SCAF4: variants seen among roughly 807,000 people sequenced by gnomAD.
SCAF4 encodes SR-related and CTD-associated factor 4.
A neutral mutation model predicts 129.8 loss-of-function variants in SCAF4; 25 were observed. The ratio of observed to expected loss-of-function variants is 0.19; its 90% CI spans 0.14 to 0.27. The LOEUF is 0.27. Among genes scored for constraint, SCAF4 ranks in the 10% least tolerant of loss-of-function variants. The pLI, the probability that SCAF4 is intolerant of heterozygous loss-of-function variation, is 1.00. For synonymous variants in SCAF4, 551 were observed against 497.7 expected (o/e 1.11, Z -1.43); for missense variants, 1,246 against 1,457.1 (o/e 0.86, Z 2.36).
intron 1 of SCAF4, among the ~76,000 whole-genome samples, chr21:31,708,614 G>A (rs1000151364): frequency 1.3e-5 from 2 of 152,044 alleles, no homozygotes; most frequent in Non-Finnish European, 2.9e-5. Context: ...CACAGTGAAA[G>A]GGGATGCAAA....
chr21:31,672,362 A>G lies in SCAF4; in HGVS notation c.2489-8T>C. The G allele has an allele frequency of 6.2e-7, 1 of 1,604,764 alleles. No individual in the cohort carries two copies. Among genetic ancestry groups the G allele is most frequent in the South Asian group, 1.1e-5 (1 of 90,808 alleles). ...GGGCAACTCCTTGAGTGCCTAAAAG[A>G]CGACAAAAATAAAAATGTAAACACC... On this transcript the variant is annotated splice_polypyrimidine_tract_variant and splice_region_variant and intron_variant, in intron 19 of 19. Transcript: ENST00000286835.
Position 31,696,761 on chromosome 21 carries a change from T to C in SCAF4, c.778-11A>G, listed in dbSNP as rs1325217186. ...TCTATCAAGCAACTTCTGGAATAAT[T>C]ATGTCAATATTTCATTTTAAAATTT... is the stretch of plus-strand genomic sequence containing the variant. On this transcript the variant is annotated splice_polypyrimidine_tract_variant and intron_variant, in intron 7 of 19. Coordinates refer to ENST00000286835, the MANE Select transcript of SCAF4 (RefSeq NM_020706.2). 3.8e-6 allele frequency: 6 copies of C among 1,589,038 alleles called. No individual in the cohort carries two copies. The highest frequency in any genetic ancestry group is 2.2e-5 in the East Asian group (1 of 44,450).
Position 31,701,836 on chromosome 21 carries a change from C to A in SCAF4, c.540G>T (p.Leu180Phe). Reference sequence around the variant, plus strand: ...CAGCAGCAAAAGCATCAGAGCTGGGCAACTGTGGTACAGCTGGGACGGAGT... The same window carrying A: ...CAGCAGCAAAAGCATCAGAGCTGGGAAACTGTGGTACAGCTGGGACGGAGT... ...TPNSVPAVPQ[L>F]PSSDAFAAVA... The change falls in exon 6 of 20, where the codon TTG (leucine) becomes TTT (phenylalanine). Residue 180 changes from leucine to phenylalanine, a missense_variant. Leu to Phe is a conservative substitution (Grantham distance 22, BLOSUM62 0). Transcript: ENST00000286835. 1.2e-6 allele frequency: 2 copies of A among 1,613,946 alleles called. No homozygotes were observed. The highest frequency in any genetic ancestry group is 1.7e-6 in the Non-Finnish European group (2 of 1,179,964).
At position 31,685,704 on chromosome 21, in the gene SCAF4, T is replaced by A. The variant is rs988736695; in HGVS notation, c.2073A>T (p.Val691=). 1 of 1,608,534 alleles carries A rather than the reference T, an allele frequency of 6.2e-7. No individual in the cohort carries two copies. Among genetic ancestry groups the A allele is most frequent in the African/African-American group, 1.3e-5 (1 of 74,742 alleles). The change falls in exon 17 of 20, where the codon GTA becomes GTT. Residue 691 remains valine (V), a synonymous_variant. Coordinates refer to ENST00000286835, the MANE Select transcript of SCAF4 (RefSeq NM_020706.2). ...QVPPHQPGPP[V]VGALQPPAFT... ...AAGCAGGCGGCTGGAGAGCACCAACTACAGGTGGACCCGGTTGATGTGGTG... is the reference window on the plus strand; with the variant it reads ...AAGCAGGCGGCTGGAGAGCACCAACAACAGGTGGACCCGGTTGATGTGGTG...
chr21:31,671,980 CCTGCGGCTGTGG>C lies in SCAF4; in HGVS notation c.2851_2862del (p.Pro951_Gln954del). ...TGCTGCTGCTGTGGTTGCTGGGGCGCCTGCGGCTGTGGCTGCTGCTGTGGCTGCTGCGGCGGC... is the reference window on the plus strand; with the variant it reads ...TGCTGCTGCTGTGGTTGCTGGGGCGCCTGCTGCTGTGGCTGCTGCGGCGGC... On this transcript the variant is annotated inframe_deletion, in exon 20 of 20. Coordinates refer to ENST00000286835, the MANE Select transcript of SCAF4 (RefSeq NM_020706.2). 6.2e-7 allele frequency: 1 copy of C among 1,611,398 alleles called. No homozygotes were observed. Among genetic ancestry groups the C allele is most frequent in the Non-Finnish European group, 8.5e-7 (1 of 1,178,050 alleles).
intron 1 of SCAF4, among the ~76,000 whole-genome samples, chr21:31,721,297 C>G (rs532175345): frequency 6.6e-6 from 1 of 151,924 alleles, no homozygotes; most frequent in South Asian, 2.1e-4. Flanking sequence ...ACTTGGCTGC[C>G]CTATCTAAAG....
Position 31,696,603 on chromosome 21 carries a change from C to T in SCAF4, c.925G>A (p.Ala309Thr), listed in dbSNP as rs148351634. The T allele has an allele frequency of 3.0e-5, 48 of 1,609,658 alleles. No homozygotes were observed. The highest frequency in any genetic ancestry group is 2.0e-4 in the African/African-American group (15 of 74,586). The change falls in exon 8 of 20, where the codon GCT (alanine) becomes ACT (threonine). Residue 309 changes from alanine (A) to threonine (T), a missense_variant. Ala to Thr is a moderately conservative substitution (Grantham distance 58). Coordinates refer to ENST00000286835, the MANE Select transcript of SCAF4 (RefSeq NM_020706.2). ...TGTGGAGGAGGAGGAGAGGCAGCAG[C>T]GGGTGCAGCAGCAGCAGGCACGGTG... is the stretch of plus-strand genomic sequence containing the variant. ...TATVPAAAAP[A>T]AASPPPPQAP...
chr21:31,705,597 ACAT>A, intron 2 of SCAF4, 130 bp from the exon 3 acceptor site: 1 of 348,080 alleles, frequency 2.9e-6, no homozygotes, highest in Non-Finnish European at 5.3e-6. Flanking sequence ...CATGAGAAAT[ACAT>A]AATAAAAAAT....
intron 19 of SCAF4, among the ~76,000 whole-genome samples, chr21:31,680,190 C>T (rs2049964580): frequency 6.6e-6 from 1 of 152,166 alleles, no homozygotes; most frequent in African/African-American, 2.4e-5. Flanking sequence ...TAACAAGTGA[C>T]AGCCCAGGAG....
chr21:31,715,886 T>C (rs1223050133), intron 1 of SCAF4, among the ~76,000 whole-genome samples: 6 of 152,206 alleles, frequency 3.9e-5, no homozygotes, highest in Admixed American at 2.0e-4. Flanking sequence ...TCTGAAATAT[T>C]TGGTATATAG....
chr21:31,717,858 C>CAT (rs1442214189), intron 1 of SCAF4, among the ~76,000 whole-genome samples: 12 of 126,540 alleles, frequency 9.5e-5, no homozygotes, highest in African/African-American at 4.0e-4. Context: ...CACACACACA[C>CAT]ACACACACAC....
intron 1 of SCAF4, among the ~76,000 whole-genome samples, chr21:31,727,574 A>G (rs1185222331): frequency 6.6e-6 from 1 of 152,088 alleles, no homozygotes; most frequent in African/African-American, 2.4e-5. Flanking sequence ...AGGGTGGATC[A>G]CGAGGTCAAG....
intron 4 of SCAF4, 146 bp downstream of exon 4, chr21:31,703,619 G>T: frequency 2.1e-6 from 1 of 466,580 alleles, no homozygotes; most frequent in Non-Finnish European, 3.9e-6. Flanking sequence ...AATGACCACT[G>T]AAGAAAAAAA....
intron 7 of SCAF4, chr21:31,700,746 T>C (rs2050506964): frequency 7.3e-6 from 3 of 411,822 alleles, no homozygotes; most frequent in Non-Finnish European, 1.3e-5. Flanking sequence ...TTTTTCTTTT[T>C]TTTTTTTTTT....
chr21:31,704,837 G>C (rs747367737), intron 3 of SCAF4, among the ~76,000 whole-genome samples: 1 of 151,974 alleles, frequency 6.6e-6, no homozygotes, highest in Non-Finnish European at 1.5e-5. Context: ...TTGCCTGTTG[G>C]AACTTTAACT....
chr21:31,705,374 T>C, intron 3 of SCAF4, 49 bp downstream of exon 3: 1 of 891,038 alleles, frequency 1.1e-6, no homozygotes, highest in Non-Finnish European at 1.7e-6. Flanking sequence ...ACAAAGTAAA[T>C]TACAAATCAT....
At chr21:31,694,369 T>C in intron 10 of SCAF4, 80 bp from the exon 11 acceptor site, 1 of 883,630 alleles carries the variant, frequency 1.1e-6, no homozygotes, top group Non-Finnish European at 1.7e-6. Flanking sequence ...AAAAGCTATA[T>C]TAAAAATCTC....
At chr21:31,693,918 T>C (rs1236456768) in intron 11 of SCAF4, among the ~76,000 whole-genome samples, 3 of 152,182 alleles carry the variant, frequency 2.0e-5, no homozygotes, top group African/African-American at 4.8e-5. Context: ...TTTGAAAATA[T>C]AGTTCTTCTA....
Position 31,696,722 on chromosome 21 carries a change from T to A in SCAF4, c.806A>T (p.Asp269Val). 1 of 1,612,234 alleles carries A rather than the reference T, an allele frequency of 6.2e-7. No homozygotes were observed. The highest frequency in any genetic ancestry group is 8.5e-7 in the Non-Finnish European group (1 of 1,179,106). Residue 269 changes from aspartate (D) to valine (V), a missense_variant, in exon 8 of 20, where the codon GAT (aspartate) becomes GTT (valine). This residue lies in a region of SCAF4 where 236 missense variants were observed against 210.0 expected (regional missense o/e 1.12). Transcript: ENST00000286835. ...KKLLDRFDYDDEPEAVEESKK... is the reference protein window; with the variant it reads ...KKLLDRFDYDVEPEAVEESKK... ...TGATTCTTCCACAGCTTCTGGCTCA[T>A]CATCATAGTCAAATCTATCAAGCAA...
Sources: gnomAD v4.1 joint callset for allele counts (sites outside exome capture counted in the v4.1 genomes callset) on GRCh38, gnomAD v4.1.1 for gene constraint, gnomAD v4.1.1 regional missense constraint, MANE v1.5 for transcripts, NCBI Gene and HGNC (gene_info 2026-07-23, HGNC 2026-07-21) for gene names.